The following PDGFRL variants were observed in gnomAD, a reference collection of about 807,000 sequenced individuals.
The protein encoded by PDGFRL is platelet derived growth factor receptor like, also known as platelet-derived growth factor receptor-like protein.
A neutral mutation model predicts 37.2 loss-of-function variants in PDGFRL; 46 were observed. The ratio of observed to expected loss-of-function variants is 1.24; its 90% CI spans 0.98 to 1.58. The LOEUF is 1.58. Among genes scored for constraint, PDGFRL ranks in the 40% most tolerant of loss-of-function variants. The pLI, the probability that PDGFRL is intolerant of heterozygous loss-of-function variation, is 0.00. For synonymous variants in PDGFRL, 251 were observed against 184.3 expected (o/e 1.36, Z -2.93); for missense variants, 692 against 467.6 (o/e 1.48, Z -4.43).
Position 17,602,159 on chromosome 8 carries a change from C to T in PDGFRL, c.353+12394C>T, listed in dbSNP as rs183673475. Reference sequence around the variant, plus strand: ...GGCTTTGGTTACTAGCAGTTCTGACCGGTGTGAGAGGGTATCTCATTGTGG... The same window carrying T: ...GGCTTTGGTTACTAGCAGTTCTGACTGGTGTGAGAGGGTATCTCATTGTGG... On this transcript the variant is annotated intron_variant, in intron 2 of 5. Transcript: ENST00000251630. Among the ~76,000 whole-genome samples, 24 of 152,272 alleles carry T rather than the reference C, an allele frequency of 1.6e-4. No homozygotes were observed. In the East Asian group the frequency reaches 3.5e-3, roughly 22 times the overall value.
chr8:17,607,289 G>A (rs1362202994), intron 2 of PDGFRL, among the ~76,000 whole-genome samples: 1 of 147,602 alleles, frequency 6.8e-6, no homozygotes, highest in Non-Finnish European at 1.5e-5. Context: ...ATTGCTCGTC[G>A]ATCTAGTCAT....
At chr8:17,629,818 G>C (rs1266899769) in intron 4 of PDGFRL, among the ~76,000 whole-genome samples, 2 of 152,092 alleles carry the variant, frequency 1.3e-5, no homozygotes, top group Non-Finnish European at 2.9e-5. Context: ...AGTGACACAG[G>C]CTTGTACTTT....
intron 2 of PDGFRL, among the ~76,000 whole-genome samples, chr8:17,609,508 T>A (rs1396050032): frequency 4.0e-5 from 6 of 149,268 alleles, no homozygotes; most frequent in African/African-American, 1.2e-4. Context: ...TGTGGTGGCG[T>A]GCACCTGTAA....
At chr8:17,642,357 A>G (rs945050022) in intron 5 of PDGFRL, among the ~76,000 whole-genome samples, 1 of 151,838 alleles carries the variant, frequency 6.6e-6, no homozygotes, top group African/African-American at 2.4e-5. Context: ...TAGATTAAGT[A>G]AAACCTTACA....
chr8:17,596,934 G>C (rs139409419), intron 2 of PDGFRL, among the ~76,000 whole-genome samples: 1 of 152,144 alleles, frequency 6.6e-6, no homozygotes, highest in Non-Finnish European at 1.5e-5. Flanking sequence ...TCTTTTTTCC[G>C]TAGAATGAGT....
Position 17,607,962 on chromosome 8 carries a change from C to T in PDGFRL, c.354-13089C>T, listed in dbSNP as rs191720788. Among the ~76,000 whole-genome samples the T allele has an allele frequency of 9.2e-5, 14 of 152,328 alleles. No homozygotes were observed. The East Asian group carries it at 1.5e-3, about 17-fold the overall frequency. On this transcript the variant is annotated intron_variant, in intron 2 of 5. Transcript: ENST00000251630. ...CAGTGTCCGGGCTTGGCTGCCTTGG[C>T]GGCTCCGTCCCACCCACACAGCCGG...
At chr8:17,632,399 G>A (rs1804881506) in intron 4 of PDGFRL, among the ~76,000 whole-genome samples, 1 of 151,764 alleles carries the variant, frequency 6.6e-6, no homozygotes, top group Non-Finnish European at 1.5e-5. Flanking sequence ...GGAGTGCAGT[G>A]GTGTGATCTC....
At position 17,596,439 on chromosome 8, in the gene PDGFRL, A is replaced by T. The variant is rs568156604; in HGVS notation, c.353+6674A>T. On this transcript the variant is annotated intron_variant, in intron 2 of 5. Coordinates refer to ENST00000251630, the MANE Select transcript of PDGFRL (RefSeq NM_001372073.1). ...AAAGTCAGATTCATGCACTTTTTAT[A>T]AAAAAACAGAATTGATATAATTTAA... 4.0e-4 allele frequency: 203 copies of T among 507,658 alleles called. 1 individual carries two copies. The highest frequency in any genetic ancestry group is 3.6e-3 in the African/African-American group (181 of 50,314). The allele number at this position is 507,658 out of a possible 1,614,324, so 31.4% of individuals were successfully genotyped here.
intron 1 of PDGFRL, among the ~76,000 whole-genome samples, chr8:17,582,580 C>CAA (rs541086616): frequency 9.3e-6 from 1 of 107,084 alleles, no homozygotes; most frequent in African/African-American, 3.6e-5. Context: ...GACTCTGTCT[C>CAA]AAAAAAAAAA....
intron 4 of PDGFRL, among the ~76,000 whole-genome samples, chr8:17,629,126 C>T (rs187898766): frequency 6.8e-6 from 1 of 147,828 alleles, no homozygotes; most frequent in East Asian, 2.0e-4. Flanking sequence ...GAAGAGGTCT[C>T]CCTACCTTGC....
At chr8:17,630,152 AT>A (rs1482611125) in intron 4 of PDGFRL, among the ~76,000 whole-genome samples, 15 of 152,126 alleles carry the variant, frequency 9.9e-5, no homozygotes, top group African/African-American at 3.4e-4. Flanking sequence ...TGTCCTCTGC[AT>A]TTTGTCCCGT....
upstream of PDGFRL, chr8:17,576,709 A>G: frequency 1.0e-6 from 1 of 985,786 alleles, no homozygotes. Context: ...GCGGAGACCA[A>G]CTCTGGCCAG....
At chr8:17,581,678 C>T (rs2517273) in intron 1 of PDGFRL, among the ~76,000 whole-genome samples, 96,342 of 151,892 alleles carry the variant, frequency 0.63, 30,994 homozygotes, top group Middle Eastern at 0.77. Flanking sequence ...CCTCCTCCCA[C>T]CGCACCATGT....
chr8:17,605,464 C>T (rs1175670458), intron 2 of PDGFRL, among the ~76,000 whole-genome samples: 1 of 152,196 alleles, frequency 6.6e-6, no homozygotes, highest in Non-Finnish European at 1.5e-5. Flanking sequence ...CAACGTGACC[C>T]ATTTGCATCT....
rs148464542 is a variant in PDGFRL at position 17,619,006 on chromosome 8, G to T, written c.354-2045G>T. On this transcript the variant is annotated intron_variant, in intron 2 of 5. Coordinates refer to ENST00000251630, the MANE Select transcript of PDGFRL (RefSeq NM_001372073.1). ...GGGAGTACAGAAGCACCACTTGGCA[G>T]AACTGGTGGACAAAACAAGCTATTC... 8.5e-3 allele frequency among the ~76,000 whole-genome samples: 1,291 copies of T among 152,258 alleles called. 57 individuals carry two copies. Among genetic ancestry groups the T allele is most frequent in the Admixed American group, 0.072 (1,099 of 15,284 alleles).
intron 1 of PDGFRL, among the ~76,000 whole-genome samples, chr8:17,580,117 G>A (rs1178756770): frequency 6.6e-6 from 1 of 152,116 alleles, no homozygotes; most frequent in Admixed American, 6.5e-5. Flanking sequence ...AATAACATGA[G>A]ATCCTTGATC....
At chr8:17,619,946 C>G (rs1415682740) in intron 2 of PDGFRL, among the ~76,000 whole-genome samples, 1 of 152,180 alleles carries the variant, frequency 6.6e-6, no homozygotes, top group African/African-American at 2.4e-5. Context: ...TTCCCCCACA[C>G]ACCCATTTAT....
chr8:17,593,355 G>GC (rs1803983253), intron 2 of PDGFRL, among the ~76,000 whole-genome samples: 1 of 151,976 alleles, frequency 6.6e-6, no homozygotes. Context: ...ACTTTGGGAG[G>GC]CCAAGGTGGG....
At chr8:17,615,817 G>C (rs973550849) in intron 2 of PDGFRL, among the ~76,000 whole-genome samples, 4 of 152,224 alleles carry the variant, frequency 2.6e-5, no homozygotes, top group African/African-American at 9.6e-5. Context: ...GCCAAGGTGG[G>C]AGGATCCCTT....
Sources: allele counts gnomAD v4.1 joint callset (sites outside exome capture counted in the v4.1 genomes callset), GRCh38; gene constraint gnomAD v4.1.1; transcripts MANE v1.5; gene names NCBI Gene and HGNC (gene_info 2026-07-23, HGNC 2026-07-21).